Variants in SMURF1 observed in about 807,000 individuals in gnomAD.
SMURF1 encodes the protein SMAD specific E3 ubiquitin protein ligase 1.
A neutral mutation model predicts 98.0 loss-of-function variants in SMURF1; 44 were observed. That is an observed-to-expected ratio of 0.45 (90% confidence interval 0.35 to 0.58). SMURF1 has a LOEUF of 0.58. Among genes scored for constraint, SMURF1 ranks in the 20% least tolerant of loss-of-function variants. The pLI is 0.00. For missense variants in SMURF1, 687 were observed against 938.4 expected, an observed-to-expected ratio of 0.73 and a Z score of 3.50; for synonymous variants, 396 against 374.9, an observed-to-expected ratio of 1.06 and a Z score of -0.65.
rs1052473778 is a variant in SMURF1 at position 99,057,525 on chromosome 7, G to A, written c.230C>T (p.Thr77Ile). ...TTTCTTATGGTTCCACACGCTAATG[G>A]TTATCGAATCCGTTTTCCCAACATA... ...DLYVGKTDSI[T>I]ISVWNHKKIH... The change falls in exon 4 of 18, where the codon ACC becomes ATC. Residue 77 changes from threonine to isoleucine, a missense_variant. Physicochemically the swap from Thr to Ile is moderately conservative, Grantham distance 89. Transcript: ENST00000361368. 1.3e-6 allele frequency: 2 copies of A among 1,553,458 alleles called. No individual in the cohort carries two copies. Among genetic ancestry groups the A allele is most frequent in the Non-Finnish European group, 1.7e-6 (2 of 1,157,136 alleles).
intron 1 of SMURF1, among the ~76,000 whole-genome samples, chr7:99,099,500 A>AG (rs1239183594): frequency 2.0e-5 from 3 of 152,046 alleles, no homozygotes; most frequent in Non-Finnish European, 2.9e-5. Context: ...TTCCCAGGAT[A>AG]GGGGGGGAAA....
intron 13 of SMURF1, 129 bp downstream of exon 13, chr7:99,040,249 G>A (rs899910620): frequency 9.5e-7 from 1 of 1,048,248 alleles, no homozygotes; most frequent in African/African-American, 1.6e-5. Context: ...TTTGTTTCAG[G>A]TTATAATACA....
intron 11 of SMURF1, among the ~76,000 whole-genome samples, chr7:99,044,972 C>CA (rs978255991): frequency 6.6e-6 from 1 of 151,838 alleles, no homozygotes; most frequent in African/African-American, 2.4e-5. Context: ...CTCATCTCTA[C>CA]AAAAAACTTT....
intron 15 of SMURF1, 52 bp from the exon 16 acceptor site, chr7:99,035,768 A>G (rs1332758249): frequency 1.3e-6 from 2 of 1,560,984 alleles, no homozygotes; most frequent in Non-Finnish European, 1.8e-6. Context: ...AACCCACGTC[A>G]GGATGCGCCT....
At chr7:99,070,161 G>A (rs935918834) in intron 1 of SMURF1, among the ~76,000 whole-genome samples, 2 of 152,168 alleles carry the variant, frequency 1.3e-5, no homozygotes, top group Non-Finnish European at 1.5e-5. Context: ...TACCCCAAAC[G>A]TGGCAGGGTT....
At chr7:99,036,131 G>T in intron 15 of SMURF1, 1 of 223,028 alleles carries the variant, frequency 4.5e-6, no homozygotes, top group Non-Finnish European at 9.0e-6. Context: ...AATTCAGCAA[G>T]AGTTAGGTGG....
At chr7:99,032,095 C>T (rs1255865703) in intron 17 of SMURF1, among the ~76,000 whole-genome samples, 2 of 152,136 alleles carry the variant, frequency 1.3e-5, no homozygotes, top group African/African-American at 2.4e-5. Flanking sequence ...CCAATACATC[C>T]AAACTAAAAA....
intron 10 of SMURF1, among the ~76,000 whole-genome samples, chr7:99,046,172 G>T (rs543273651): frequency 2.1e-4 from 32 of 152,238 alleles, no homozygotes; most frequent in Admixed American, 8.5e-4. Flanking sequence ...CAAGACATTA[G>T]AAAGTCTGAA....
At chr7:99,109,722 T>C (rs1797279108) in intron 1 of SMURF1, among the ~76,000 whole-genome samples, 1 of 152,236 alleles carries the variant, frequency 6.6e-6, no homozygotes, top group African/African-American at 2.4e-5. Flanking sequence ...GACTGGACTC[T>C]GAGTGAGTCA....
chr7:99,035,889 A>C (rs887090118), intron 15 of SMURF1, 173 bp from the exon 16 acceptor site: 32 of 658,978 alleles, frequency 4.9e-5, no homozygotes, highest in Non-Finnish European at 6.7e-5. Context: ...GGCCTGTGGC[A>C]CATGCTTCCG....
At chr7:99,072,953 T>C (rs1355560961) in intron 1 of SMURF1, among the ~76,000 whole-genome samples, 1 of 152,056 alleles carries the variant, frequency 6.6e-6, no homozygotes, top group Non-Finnish European at 1.5e-5. Context: ...AGAAGGAAAA[T>C]AGAAGCTCAG....
At chr7:99,041,164 G>A (rs904810148) in intron 12 of SMURF1, among the ~76,000 whole-genome samples, 3 of 152,194 alleles carry the variant, frequency 2.0e-5, no homozygotes, top group Non-Finnish European at 2.9e-5. Context: ...CACTTTGGGA[G>A]GCTGAGGCAG....
Position 99,115,883 on chromosome 7 carries a change from A to T in SMURF1, c.55+27843T>A, listed in dbSNP as rs556536722. 2.9e-3 allele frequency among the ~76,000 whole-genome samples: 435 copies of T among 151,634 alleles called. 8 individuals carry two copies. The highest frequency in any genetic ancestry group is 0.01 in the African/African-American group (417 of 41,348). Reference sequence around the variant, plus strand: ...CTTTACCATAAACATTTTTTTTTTTAAATTAACAAAACCCCTTCATAAATT... The same window carrying T: ...CTTTACCATAAACATTTTTTTTTTTTAATTAACAAAACCCCTTCATAAATT... On this transcript the variant is annotated intron_variant, in intron 1 of 17. Transcript: ENST00000361368.
At chr7:99,064,921 T>G (rs1796150588) in intron 1 of SMURF1, among the ~76,000 whole-genome samples, 1 of 152,246 alleles carries the variant, frequency 6.6e-6, no homozygotes, top group African/African-American at 2.4e-5. Context: ...AGCATTTGCC[T>G]GGCTAGTCTC....
At chr7:99,122,067 G>A (rs773160468) in intron 1 of SMURF1, among the ~76,000 whole-genome samples, 5 of 152,092 alleles carry the variant, frequency 3.3e-5, no homozygotes, top group African/African-American at 1.2e-4. Context: ...GGTGGCTCAC[G>A]CCTGTAATCC....
In SMURF1 at chr7:99,060,604, A is replaced by G. The variant is rs2150540710; in HGVS notation, c.198T>C (p.Tyr66=). 6.2e-7 allele frequency: 1 copy of G among 1,612,784 alleles called. No homozygotes were observed. The highest frequency in any genetic ancestry group is 8.5e-7 in the Non-Finnish European group (1 of 1,179,266). ...NTLDPKWNQH[Y]DLYVGKTDSI... ...TTACAGAACATTCAACTCACAGATC[A>G]TAGTGCTGGTTCCACTTTGGGTCCA... is the stretch of plus-strand genomic sequence containing the variant. The change falls in exon 3 of 18, where the codon TAT becomes TAC. Residue 66 remains tyrosine, a synonymous_variant. Transcript: ENST00000361368.
At chr7:99,072,323 GAGGC>G (rs1234790976) in intron 1 of SMURF1, among the ~76,000 whole-genome samples, 2 of 152,164 alleles carry the variant, frequency 1.3e-5, no homozygotes, top group South Asian at 4.1e-4. Context: ...ATTTCCAACC[GAGGC>G]AGTATTAATT....
rs190033194 is a variant in SMURF1, at chr7:99,051,526, T to G, written c.722-85A>C. 1.7e-4 allele frequency: 174 copies of G among 1,046,736 alleles called. No homozygotes were observed. In the African/African-American group the frequency reaches 1.8e-3, roughly 11 times the overall value. The allele number at this position is 1,046,736 out of a possible 1,614,324, so 64.8% of individuals were successfully genotyped here. Reference sequence around the variant, plus strand: ...CAACCCTCGATGCCCTCACGTCTGGTATTATCTAAATCTAGATAACACTCC... The same window carrying G: ...CAACCCTCGATGCCCTCACGTCTGGGATTATCTAAATCTAGATAACACTCC... On this transcript the variant is annotated intron_variant, in intron 7 of 17. Coordinates refer to ENST00000361368, the MANE Select transcript of SMURF1 (RefSeq NM_181349.3).
At chr7:99,125,837 C>T (rs114014225) in intron 1 of SMURF1, among the ~76,000 whole-genome samples, 2,328 of 152,312 alleles carry the variant, frequency 0.015, 48 homozygotes, top group African/African-American at 0.05. Context: ...TTTATCATCT[C>T]ATTTCCTGAT....
Sources: allele counts gnomAD v4.1 joint callset (sites outside exome capture counted in the v4.1 genomes callset), GRCh38; gene constraint gnomAD v4.1.1; transcripts MANE v1.5; gene names NCBI Gene and HGNC (gene_info 2026-07-23, HGNC 2026-07-21).